The following PREX1 variants were observed in gnomAD, a reference collection of about 807,000 sequenced individuals.
PREX1 encodes phosphatidylinositol-3,4,5-trisphosphate dependent Rac exchange factor 1.
PREX1 carries 41 observed loss-of-function variants against 198.3 expected under a neutral mutation model. That is an observed-to-expected ratio of 0.21 (90% CI 0.16 to 0.27). The LOEUF is 0.27. Among genes scored for constraint, PREX1 ranks in the 10% least tolerant of loss-of-function variants. The pLI, the probability that PREX1 is intolerant of heterozygous loss-of-function variation, is 1.00. For missense variants in PREX1, 1,620 were observed against 2,200.7 expected (o/e 0.74, Z 5.28); for synonymous variants, 843 against 887.2 (o/e 0.95, Z 0.89).
At chr20:48,748,445 A>G (rs1200527579) in intron 1 of PREX1, among the ~76,000 whole-genome samples, 1 of 152,002 alleles carries the variant, frequency 6.6e-6, no homozygotes, top group Non-Finnish European at 1.5e-5. Context: ...AAATCTATGC[A>G]AAAACAAACA....
the PREX1 span, among the ~76,000 whole-genome samples, chr20:48,863,586 C>CTTTTTTTTTTTTTT: frequency 3.8e-5 from 4 of 104,302 alleles, no homozygotes; most frequent in Non-Finnish European, 5.8e-5. Flanking sequence ...TTCATATTGT[C>CTTTTTTTTTTTTTT]TTTTTTTTTT....
intron 1 of PREX1, among the ~76,000 whole-genome samples, chr20:48,797,158 A>T (rs760763081): frequency 6.6e-6 from 1 of 152,086 alleles, no homozygotes; most frequent in African/African-American, 2.4e-5. Flanking sequence ...GAAATTCTCT[A>T]AATTCTATCA....
rs574715530 is a variant in PREX1 at position 48,740,712 on chromosome 20, T to A, written c.414+4313A>T. ...CAGGAAGAGGCGTGATAATTTTAAT[T>A]TTTAATTAAAAAGATGATTTTAAAT... On this transcript the variant is annotated intron_variant, in intron 3 of 39. Transcript: ENST00000371941. 5.9e-5 allele frequency among the ~76,000 whole-genome samples: 9 copies of A among 152,332 alleles called. No homozygotes were observed. The South Asian group carries it at 1.9e-3, about 32-fold the overall frequency.
chr20:48,791,081 T>C (rs925301692), intron 1 of PREX1, among the ~76,000 whole-genome samples: 14 of 152,138 alleles, frequency 9.2e-5, no homozygotes, highest in African/African-American at 3.1e-4. Flanking sequence ...TACACTGTAC[T>C]TATGCAAGGA....
intron 16 of PREX1, 62 bp from the exon 17 acceptor site, chr20:48,658,290 C>A: frequency 6.5e-7 from 1 of 1,539,440 alleles, no homozygotes; most frequent in Non-Finnish European, 8.9e-7. Context: ...GCCAGCCCCA[C>A]CGTGGCCCCC....
At chr20:48,764,781 CAA>C (rs1182093484) in intron 1 of PREX1, among the ~76,000 whole-genome samples, 12 of 81,140 alleles carry the variant, frequency 1.5e-4, no homozygotes, top group Admixed American at 4.3e-4. Flanking sequence ...GACTCTTTCT[CAA>C]AAAAAAAAAA....
chr20:48,826,867 AT>A (rs985079668), intron 1 of PREX1, among the ~76,000 whole-genome samples: 2 of 152,102 alleles, frequency 1.3e-5, no homozygotes, highest in African/African-American at 2.4e-5. Context: ...TCAAAAAAAA[AT>A]TTTTTTAATT....
the PREX1 span, among the ~76,000 whole-genome samples, chr20:48,870,875 C>T: frequency 1.0e-4 from 8 of 79,722 alleles, no homozygotes; most frequent in Admixed American, 3.3e-4. Context: ...CACTTGAACC[C>T]GGGAGGCAGA....
chr20:48,643,968 C>T (rs550464594), intron 27 of PREX1, among the ~76,000 whole-genome samples: 92 of 152,360 alleles, frequency 6.0e-4, no homozygotes, highest in African/African-American at 2.0e-3. Flanking sequence ...TGAGCCACCA[C>T]GCTCAGCCAT....
At chr20:48,740,880 G>A (rs2090078517) in intron 3 of PREX1, among the ~76,000 whole-genome samples, 1 of 152,228 alleles carries the variant, frequency 6.6e-6, no homozygotes, top group African/African-American at 2.4e-5. Flanking sequence ...ATAGAATGCG[G>A]TAATACCGTT....
intron 6 of PREX1, among the ~76,000 whole-genome samples, chr20:48,706,682 C>T (rs1031386936): frequency 6.6e-5 from 10 of 152,214 alleles, no homozygotes; most frequent in African/African-American, 1.9e-4. Context: ...CAAATCAGAG[C>T]TCTGACATCA....
Position 48,630,719 on chromosome 20 carries a change from TG to T in PREX1, c.4593+8del. On this transcript the variant is annotated splice_region_variant and intron_variant, in intron 36 of 39. Coordinates refer to ENST00000371941, the MANE Select transcript of PREX1 (RefSeq NM_020820.4). ...AAGCTCCCTGCAGCAGGAGGGCACG[TG>T]GACATACCTGGTCTATCTTTACCGC... The T allele has an allele frequency of 6.3e-7, 1 of 1,579,540 alleles. No homozygotes were observed. The highest frequency in any genetic ancestry group is 8.7e-7 in the Non-Finnish European group (1 of 1,148,750).
chr20:48,652,219 C>A (rs904059759), intron 21 of PREX1, among the ~76,000 whole-genome samples: 3 of 152,112 alleles, frequency 2.0e-5, no homozygotes, highest in Non-Finnish European at 4.4e-5. Flanking sequence ...ATTGCTTCAG[C>A]CCAGGAGTTA....
chr20:48,778,837 C>T (rs1186525373), intron 1 of PREX1, among the ~76,000 whole-genome samples: 10 of 152,146 alleles, frequency 6.6e-5, no homozygotes, highest in Non-Finnish European at 1.5e-4. Flanking sequence ...TGAACCTCAA[C>T]CTAAACTACA....
At chr20:48,677,278 A>G (rs946981913) in intron 13 of PREX1, among the ~76,000 whole-genome samples, 1 of 152,230 alleles carries the variant, frequency 6.6e-6, no homozygotes, top group African/African-American at 2.4e-5. Context: ...AGGATGGCAG[A>G]TGAAAGTGGT....
At chr20:48,677,258 G>A (rs953098994) in intron 13 of PREX1, among the ~76,000 whole-genome samples, 1 of 152,224 alleles carries the variant, frequency 6.6e-6, no homozygotes, top group African/African-American at 2.4e-5. Flanking sequence ...GAGCCCAGGA[G>A]GGCGGAGGCA....
chr20:48,674,550 G>A (rs1443122779), intron 14 of PREX1, among the ~76,000 whole-genome samples: 1 of 152,162 alleles, frequency 6.6e-6, no homozygotes, highest in African/African-American at 2.4e-5. Context: ...ATATTCTTGA[G>A]GACTCGCTGA....
At chr20:48,824,716 C>T (rs112720309) in intron 1 of PREX1, among the ~76,000 whole-genome samples, 2 of 152,176 alleles carry the variant, frequency 1.3e-5, no homozygotes, top group African/African-American at 4.8e-5. Flanking sequence ...GTCACAAGTC[C>T]AAGGATTTAA....
intron 26 of PREX1, among the ~76,000 whole-genome samples, chr20:48,644,897 T>C (rs1404635710): frequency 6.6e-6 from 1 of 152,220 alleles, no homozygotes; most frequent in Non-Finnish European, 1.5e-5. Flanking sequence ...GGGACTGGAT[T>C]GGATTCCCTA....
Sources: gnomAD v4.1 joint callset for allele counts (sites outside exome capture counted in the v4.1 genomes callset) on GRCh38, gnomAD v4.1.1 for gene constraint, MANE v1.5 for transcripts, NCBI Gene and HGNC (gene_info 2026-07-23, HGNC 2026-07-21) for gene names.